Variants in PDE4B observed in about 807,000 individuals in gnomAD.
PDE4B encodes the protein 3',5'-cyclic-AMP phosphodiesterase 4B.
In PDE4B, 20 loss-of-function variants were observed where a neutral mutation model predicts 82.2. The observed-to-expected ratio is 0.24, with a 90% CI of 0.17 to 0.35. The LOEUF (loss-of-function observed/expected upper bound fraction) is 0.35. Ranked by LOEUF, PDE4B falls within the 10% of genes least tolerant of loss-of-function variation. PDE4B has a pLI of 1.00. For synonymous variants in PDE4B, 320 were observed against 318.9 expected, an observed-to-expected ratio of 1.00 and a Z score of -0.04; for missense variants, 655 against 907.2, an observed-to-expected ratio of 0.72 and a Z score of 3.57.
chr1:66,219,676 G>A (rs1374090694), intron 3 of PDE4B, among the ~76,000 whole-genome samples: 1 of 152,182 alleles, frequency 6.6e-6, no homozygotes, highest in Non-Finnish European at 1.5e-5. Flanking sequence ...CCAACACAGA[G>A]TTCAAATTAT....
At chr1:65,854,688 T>C (rs1164428051) in intron 1 of PDE4B, among the ~76,000 whole-genome samples, 2 of 152,078 alleles carry the variant, frequency 1.3e-5, no homozygotes, top group Middle Eastern at 6.3e-3. Context: ...GATATACTTT[T>C]CTTGTATTTA....
intron 3 of PDE4B, among the ~76,000 whole-genome samples, chr1:65,996,809 T>C (rs941261160): frequency 1.3e-5 from 2 of 152,344 alleles, no homozygotes; most frequent in Non-Finnish European, 1.5e-5. Flanking sequence ...AAAATATAGA[T>C]ATGAAACATG....
At chr1:66,300,489 A>G (rs919734098) in intron 7 of PDE4B, among the ~76,000 whole-genome samples, 10 of 152,138 alleles carry the variant, frequency 6.6e-5, no homozygotes, top group African/African-American at 9.6e-5. Context: ...CTCATTTCAC[A>G]TGTGAGGGAG....
Position 66,372,712 on chromosome 1 carries a change from C to G in PDE4B, c.*34C>G, listed in dbSNP as rs1249912061. On this transcript the variant is annotated 3_prime_UTR_variant, in exon 17 of 17. Coordinates refer to ENST00000341517, the MANE Select transcript of PDE4B (RefSeq NM_002600.4). The stretch of plus-strand genomic sequence containing the variant: ...TCCCTGTGGAGATGAACATTCTATC[C>G]TTGATGAGCATGCCAGCTATGTGGT... 1 of 1,580,106 alleles carries G rather than the reference C, an allele frequency of 6.3e-7. No homozygotes were observed. The highest frequency in any genetic ancestry group is 8.6e-7 in the Non-Finnish European group (1 of 1,161,566).
At chr1:66,062,306 T>C (rs1171085115) in intron 3 of PDE4B, among the ~76,000 whole-genome samples, 1 of 152,132 alleles carries the variant, frequency 6.6e-6, no homozygotes, top group Admixed American at 6.6e-5. Flanking sequence ...GTGGTAACTA[T>C]GGCACCTAAA....
chr1:66,350,250 AGTT>A (rs1661721476), intron 8 of PDE4B, among the ~76,000 whole-genome samples: 1 of 152,136 alleles, frequency 6.6e-6, no homozygotes, highest in Admixed American at 6.6e-5. Context: ...TGACTTCGGC[AGTT>A]GTTTCATTCT....
chr1:66,099,491 G>A (rs896428082), intron 3 of PDE4B, among the ~76,000 whole-genome samples: 31 of 151,972 alleles, frequency 2.0e-4, no homozygotes, highest in African/African-American at 7.5e-4. Flanking sequence ...TGGTAGTTTT[G>A]ACTCTTATTT....
intron 7 of PDE4B, among the ~76,000 whole-genome samples, chr1:66,319,656 C>T (rs1343093220): frequency 2.0e-5 from 3 of 152,140 alleles, no homozygotes; most frequent in African/African-American, 7.2e-5. Flanking sequence ...GAGGTGAAGC[C>T]TGTAGTGACC....
chr1:66,066,025 G>A (rs755421327), intron 3 of PDE4B, among the ~76,000 whole-genome samples: 8 of 151,630 alleles, frequency 5.3e-5, no homozygotes, highest in Non-Finnish European at 1.0e-4. Context: ...TCCATTTCCT[G>A]TTATATTAAA....
intron 3 of PDE4B, among the ~76,000 whole-genome samples, chr1:66,127,780 T>C (rs913650183): frequency 1.3e-5 from 2 of 152,300 alleles, no homozygotes; most frequent in Admixed American, 6.5e-5. Context: ...GGAGATATTA[T>C]TGGCTCAAGA....
intron 3 of PDE4B, among the ~76,000 whole-genome samples, chr1:65,928,295 C>A (rs1001739339): frequency 6.6e-6 from 1 of 152,180 alleles, no homozygotes; most frequent in Admixed American, 6.5e-5. Context: ...TTAAATTAGT[C>A]TTTTGTCCAT....
intron 3 of PDE4B, among the ~76,000 whole-genome samples, chr1:66,225,387 G>A (rs543433462): frequency 6.6e-6 from 1 of 152,240 alleles, no homozygotes; most frequent in African/African-American, 2.4e-5. Flanking sequence ...CTTCTCAGTC[G>A]ATAATATTTC....
At chr1:66,085,748 T>A (rs1656969792) in intron 3 of PDE4B, among the ~76,000 whole-genome samples, 1 of 152,086 alleles carries the variant, frequency 6.6e-6, no homozygotes, top group Non-Finnish European at 1.5e-5. Context: ...ACATTATAAC[T>A]GCACCAGCAC....
intron 1 of PDE4B, among the ~76,000 whole-genome samples, chr1:65,908,106 G>A (rs1296251300): frequency 6.6e-6 from 1 of 152,140 alleles, no homozygotes; most frequent in Non-Finnish European, 1.5e-5. Context: ...CATTTCTAGA[G>A]ACAAGTGCCT....
At position 66,177,000 on chromosome 1, in the gene PDE4B, A is replaced by G. The variant is rs145175718; in HGVS notation, c.282-70460A>G. ...GAGGGACAGATATCTGCCAATAAGA[A>G]GACAATCTGAGAAATGGCATAAAAG... is the stretch of plus-strand genomic sequence containing the variant. On this transcript the variant is annotated intron_variant, in intron 3 of 16. Coordinates refer to ENST00000341517, the MANE Select transcript of PDE4B (RefSeq NM_002600.4). 4.5e-3 allele frequency among the ~76,000 whole-genome samples: 679 copies of G among 152,340 alleles called. 5 individuals carry two copies. Among genetic ancestry groups the G allele is most frequent in the Middle Eastern group, 0.01 (3 of 294 alleles).
intron 3 of PDE4B, chr1:65,992,846 T>G (rs1351463391): frequency 6.4e-6 from 10 of 1,572,418 alleles, no homozygotes; most frequent in Non-Finnish European, 8.6e-6. Context: ...CCTGCAGCAG[T>G]GTCTCTGCTA....
intron 1 of PDE4B, among the ~76,000 whole-genome samples, chr1:65,815,613 AT>A (rs1645873817): frequency 6.6e-6 from 1 of 152,168 alleles, no homozygotes; most frequent in Non-Finnish European, 1.5e-5. Context: ...AAAAAAGTTT[AT>A]TTTTAAAAAA....
At chr1:65,810,092 G>A (rs934863548) in intron 1 of PDE4B, among the ~76,000 whole-genome samples, 1 of 152,238 alleles carries the variant, frequency 6.6e-6, no homozygotes, top group African/African-American at 2.4e-5. Flanking sequence ...AAGCTGGTGG[G>A]CAGTGAAAAG....
intron 3 of PDE4B, among the ~76,000 whole-genome samples, chr1:66,247,250 C>A (rs1486568460): frequency 6.6e-6 from 1 of 152,190 alleles, no homozygotes. Flanking sequence ...AATAACTGAA[C>A]TTCAGTGCGA....
Sources: allele counts gnomAD v4.1 joint callset (sites outside exome capture counted in the v4.1 genomes callset), GRCh38; gene constraint gnomAD v4.1.1; transcripts MANE v1.5; gene names NCBI Gene and HGNC (gene_info 2026-07-23, HGNC 2026-07-21).